The following ADGRL2 variants were observed in gnomAD, a reference collection of about 807,000 sequenced individuals.
The protein encoded by ADGRL2 is calcium-independent alpha-latrotoxin receptor 2.
ADGRL2 carries 44 observed loss-of-function variants against 157.4 expected under a neutral mutation model. That is an observed-to-expected ratio of 0.28 (90% CI 0.22 to 0.36). ADGRL2 has a LOEUF of 0.36. Among genes scored for constraint, ADGRL2 ranks in the 10% least tolerant of loss-of-function variants. The pLI is 1.00. For synonymous variants in ADGRL2, 585 were observed against 624.7 expected, an observed-to-expected ratio of 0.94 and a Z score of 0.95; for missense variants, 1,510 against 1,768.9, an observed-to-expected ratio of 0.85 and a Z score of 2.63.
chr1:81,424,660 G>C (rs1259037131), intron 1 of ADGRL2, among the ~76,000 whole-genome samples: 9 of 152,160 alleles, frequency 5.9e-5, no homozygotes, highest in Non-Finnish European at 1.3e-4. Context: ...CTTCATGATA[G>C]ACAATCCTAA....
In ADGRL2 at chr1:81,917,789, T is replaced by C. The variant is rs12740566; in HGVS notation, c.287+10559T>C. Among the ~76,000 whole-genome samples the C allele has an allele frequency of 8.1e-3, 1,231 of 152,210 alleles. 5 individuals are homozygous for C. Among genetic ancestry groups the C allele is most frequent in the Non-Finnish European group, 0.014 (946 of 67,988 alleles). On this transcript the variant is annotated intron_variant, in intron 3 of 23. Coordinates refer to ENST00000686636, the MANE Select transcript of ADGRL2 (RefSeq NM_001366006.2). ...GTTTTTTCAGACCGCAGATCTGTTA[T>C]TGTTATTGAACTCACCTGTAATTTG...
chr1:81,505,400 G>C (rs1170073482), intron 2 of ADGRL2, among the ~76,000 whole-genome samples: 1 of 150,784 alleles, frequency 6.6e-6, no homozygotes, highest in African/African-American at 2.5e-5. Flanking sequence ...CACAAAGGAT[G>C]GACTCTTCCC....
intron 1 of ADGRL2, among the ~76,000 whole-genome samples, chr1:81,338,544 C>G (rs534040246): frequency 1.3e-5 from 2 of 151,992 alleles, no homozygotes; most frequent in African/African-American, 4.8e-5. Flanking sequence ...AGTGAGTTAA[C>G]TAAAAAAGAA....
At chr1:81,405,069 T>G (rs2101329458) in intron 1 of ADGRL2, among the ~76,000 whole-genome samples, 1 of 152,310 alleles carries the variant, frequency 6.6e-6, no homozygotes, top group Admixed American at 6.5e-5. Flanking sequence ...ACTTGGAAGT[T>G]ATTATGTTGA....
At chr1:81,770,738 T>G (rs186697223) in intron 2 of ADGRL2, among the ~76,000 whole-genome samples, 1,756 of 152,258 alleles carry the variant, frequency 0.012, 39 homozygotes, top group African/African-American at 0.04. Context: ...CTCCCAAAAG[T>G]GCTGGGATTA....
chr1:81,348,469 A>T (rs1255221828), intron 1 of ADGRL2, among the ~76,000 whole-genome samples: 2 of 152,162 alleles, frequency 1.3e-5, no homozygotes, highest in African/African-American at 4.8e-5. Flanking sequence ...CCAGAAAGGG[A>T]GTGGTGATAT....
intron 1 of ADGRL2, among the ~76,000 whole-genome samples, chr1:81,717,809 AT>A (rs2084166209): frequency 6.6e-6 from 1 of 152,120 alleles, no homozygotes; most frequent in African/African-American, 2.4e-5. Flanking sequence ...GCTACAGAAT[AT>A]TTTCTTGACT....
At chr1:81,955,639 C>A (rs1360936623) in intron 10 of ADGRL2, 1 of 353,800 alleles carries the variant, frequency 2.8e-6, no homozygotes, top group Non-Finnish European at 5.1e-6. Context: ...AATCCACCTT[C>A]TACACTTACT....
At chr1:81,702,098 C>G (rs1022837703) in intron 1 of ADGRL2, among the ~76,000 whole-genome samples, 1 of 152,272 alleles carries the variant, frequency 6.6e-6, no homozygotes, top group African/African-American at 2.4e-5. Flanking sequence ...GTCTATTAGG[C>G]AAGCCCAAAA....
At chr1:81,643,778 T>C (rs758368589) in intron 3 of ADGRL2, among the ~76,000 whole-genome samples, 14 of 152,218 alleles carry the variant, frequency 9.2e-5, no homozygotes, top group Non-Finnish European at 1.5e-4. Context: ...AGAGATTCCA[T>C]ATTCATGGAT....
upstream of ADGRL2, among the ~76,000 whole-genome samples, chr1:81,795,839 C>T (rs146262629): frequency 1.9e-3 from 288 of 152,224 alleles, 2 homozygotes; most frequent in African/African-American, 6.5e-3. Context: ...TCAAGAACTG[C>T]CCATTCAAAG....
At chr1:81,948,129 A>G (rs1281449257) in intron 6 of ADGRL2, among the ~76,000 whole-genome samples, 1 of 151,656 alleles carries the variant, frequency 6.6e-6, no homozygotes, top group Non-Finnish European at 1.5e-5. Flanking sequence ...AAGCAGGAGA[A>G]TGGCTTGAAC....
chr1:81,680,712 A>AT (rs1217418150), intron 3 of ADGRL2, among the ~76,000 whole-genome samples: 3 of 151,986 alleles, frequency 2.0e-5, no homozygotes, highest in African/African-American at 7.2e-5. Flanking sequence ...CAGAAAAAAA[A>AT]TTTTTTTTAA....
At chr1:81,608,898 G>A (rs2081486147) in intron 3 of ADGRL2, among the ~76,000 whole-genome samples, 1 of 152,082 alleles carries the variant, frequency 6.6e-6, no homozygotes, top group Non-Finnish European at 1.5e-5. Flanking sequence ...CACCTGGAAA[G>A]GTGGCTTCGA....
intron 10 of ADGRL2, 148 bp from the exon 11 acceptor site, chr1:81,955,729 G>T: frequency 1.9e-6 from 1 of 526,300 alleles, no homozygotes; most frequent in South Asian, 3.3e-5. Flanking sequence ...AAATGGACCA[G>T]ATATATGTTG....
chr1:81,409,991 C>G (rs1031217451), intron 1 of ADGRL2, among the ~76,000 whole-genome samples: 3 of 152,106 alleles, frequency 2.0e-5, no homozygotes, highest in African/African-American at 7.2e-5. Flanking sequence ...TGGGAACAGA[C>G]CCAGAGAAAC....
At chr1:81,585,987 G>A (rs1225280539) in intron 3 of ADGRL2, 1 of 151,782 alleles carries the variant, frequency 6.6e-6, no homozygotes, top group East Asian at 1.9e-4. Context: ...AAGTGGTAGA[G>A]GATGAGCAAA....
At chr1:81,501,610 G>A (rs1171743622) in intron 2 of ADGRL2, among the ~76,000 whole-genome samples, 2 of 152,242 alleles carry the variant, frequency 1.3e-5, no homozygotes, top group Admixed American at 1.3e-4. Context: ...CCCGGCTGCG[G>A]AGGAGTCCGA....
chr1:81,543,287 G>A (rs1295867992), intron 2 of ADGRL2, among the ~76,000 whole-genome samples: 2 of 151,362 alleles, frequency 1.3e-5, no homozygotes, highest in East Asian at 3.9e-4. Flanking sequence ...GAATTTGTGA[G>A]GGCTAATTCC....
Sources: allele counts gnomAD v4.1 joint callset (sites outside exome capture counted in the v4.1 genomes callset), GRCh38; gene constraint gnomAD v4.1.1; transcripts MANE v1.5; gene names NCBI Gene and HGNC (gene_info 2026-07-23, HGNC 2026-07-21).